The following CFAP70 variants were observed in gnomAD, a reference collection of about 807,000 sequenced individuals.
CFAP70 encodes the protein cilia and flagella associated protein 70, also known as cilia- and flagella-associated protein 70.
Under a neutral mutation model 137.6 loss-of-function variants are expected in CFAP70, and 81 were observed. The observed-to-expected ratio is 0.59, with a 90% CI of 0.49 to 0.71. The LOEUF is 0.71. CFAP70 is among the 30% of genes least tolerant of loss of function. The pLI is 0.00. For synonymous variants in CFAP70, 382 were observed against 423.6 expected, an observed-to-expected ratio of 0.90 and a Z score of 1.20; for missense variants, 976 against 1,226.7, an observed-to-expected ratio of 0.80 and a Z score of 3.05.
intron 19 of CFAP70, among the ~76,000 whole-genome samples, chr10:73,287,143 A>C (rs1198114001): frequency 6.6e-6 from 1 of 152,200 alleles, no homozygotes; most frequent in Non-Finnish European, 1.5e-5. Flanking sequence ...TGTTCCCAAC[A>C]GTAGTCACTG....
intron 1 of CFAP70, among the ~76,000 whole-genome samples, chr10:73,357,186 C>T (rs185931674): frequency 1.1e-4 from 17 of 152,206 alleles, no homozygotes; most frequent in African/African-American, 4.1e-4. Context: ...AAGTGTGCTT[C>T]GCATTTATTA....
rs1246509370 is a variant in CFAP70, at chr10:73,338,573, G to T, written c.582+2826C>A. ...AGCCTCCCGAGTAGCTGAGATTACA[G>T]ATGTGTGCCACTACACCCAGCCAAT... is the stretch of plus-strand genomic sequence containing the variant. On this transcript the variant is annotated intron_variant, in intron 6 of 26. Transcript: ENST00000310715. Among the ~76,000 whole-genome samples the T allele has an allele frequency of 2.0e-5, 3 of 151,276 alleles. No homozygotes were observed. The Admixed American group carries it at 2.0e-4, about 10-fold the overall frequency.
exon 6 of CFAP70, chr10:73,341,412 A>C: frequency 6.2e-7 from 1 of 1,612,150 alleles, no homozygotes; most frequent in Non-Finnish European, 8.5e-7. Flanking sequence ...AGGATGGTTG[A>C]GTTCTCCTTC....
intron 25 of CFAP70, among the ~76,000 whole-genome samples, chr10:73,262,799 T>A (rs1477778251): frequency 1.3e-5 from 2 of 152,134 alleles, no homozygotes; most frequent in African/African-American, 2.4e-5. Flanking sequence ...TGTGTGTGTG[T>A]ATAAAAGTTA....
chr10:73,268,914 T>C (rs185299232), intron 25 of CFAP70, among the ~76,000 whole-genome samples: 34 of 152,218 alleles, frequency 2.2e-4, no homozygotes, highest in African/African-American at 7.5e-4. Context: ...CTTGAACTCC[T>C]GGGCTCAAGT....
intron 9 of CFAP70, 138 bp downstream of exon 10, chr10:73,322,825 G>A (rs1217232659): frequency 4.2e-6 from 3 of 708,272 alleles, no homozygotes; most frequent in East Asian, 3.0e-5. Flanking sequence ...CAGAATGACT[G>A]TAAGGCTATA....
intron 19 of CFAP70, among the ~76,000 whole-genome samples, chr10:73,279,650 G>C (rs1403474554): frequency 6.6e-6 from 1 of 152,100 alleles, no homozygotes; most frequent in Non-Finnish European, 1.5e-5. Context: ...CTTAAGCTCA[G>C]GAGTTCAAGA....
intron 25 of CFAP70, among the ~76,000 whole-genome samples, chr10:73,259,560 C>T (rs2133556632): frequency 6.6e-6 from 1 of 152,196 alleles, no homozygotes; most frequent in East Asian, 1.9e-4. Flanking sequence ...ACCTTCCAGG[C>T]TCCAGTGATT....
intron 6 of CFAP70, among the ~76,000 whole-genome samples, chr10:73,340,530 C>A (rs2053151323): frequency 6.6e-6 from 1 of 152,228 alleles, no homozygotes; most frequent in Non-Finnish European, 1.5e-5. Flanking sequence ...TCATTGGGCA[C>A]CTGCCCCTTT....
At chr10:73,328,697 C>A (rs1163155461) in intron 8 of CFAP70, among the ~76,000 whole-genome samples, 3 of 145,456 alleles carry the variant, frequency 2.1e-5, no homozygotes, top group Non-Finnish European at 4.5e-5. Context: ...ACAGACACTT[C>A]TCAAAAGAAG....
intron 26 of CFAP70, among the ~76,000 whole-genome samples, chr10:73,255,323 A>G (rs528351509): frequency 1.3e-5 from 2 of 152,008 alleles, no homozygotes; most frequent in Non-Finnish European, 2.9e-5. Context: ...TGAACCCGGG[A>G]GGCGGAGCTT....
chr10:73,303,050 C>T (rs2049085363), intron 12 of CFAP70, among the ~76,000 whole-genome samples: 1 of 151,630 alleles, frequency 6.6e-6, no homozygotes, highest in African/African-American at 2.4e-5. Flanking sequence ...GTATGCACTA[C>T]CACACCCAAC....
rs139643564 is a variant in CFAP70 at position 73,356,769 on chromosome 10, T to C, written c.-39-1934A>G. Among the ~76,000 whole-genome samples the C allele has an allele frequency of 3.9e-5, 6 of 152,328 alleles. No homozygotes were observed. The East Asian group carries it at 1.2e-3, about 29-fold the overall frequency. ...TTGAAATGCCCTTTTGTATCAGTCTTCTTTCCTTTTCAATAATATGGCATT... is the reference window on the plus strand; with the variant it reads ...TTGAAATGCCCTTTTGTATCAGTCTCCTTTCCTTTTCAATAATATGGCATT... On this transcript the variant is annotated intron_variant, in intron 1 of 26. Coordinates refer to ENST00000310715, the Ensembl canonical transcript of CFAP70.
intron 19 of CFAP70, chr10:73,279,062 G>T (rs1360340798): frequency 6.6e-6 from 1 of 151,428 alleles, no homozygotes; most frequent in Non-Finnish European, 1.5e-5. Flanking sequence ...TGTCAGTTTC[G>T]TCCTCACTTT....
chr10:73,344,850 T>A (rs1354079647), intron 5 of CFAP70, among the ~76,000 whole-genome samples: 1 of 151,944 alleles, frequency 6.6e-6, no homozygotes, highest in East Asian at 1.9e-4. Flanking sequence ...CATATATTTA[T>A]ATAAATTATA....
intron 23 of CFAP70, among the ~76,000 whole-genome samples, chr10:73,273,525 C>T (rs2133755782): frequency 6.6e-6 from 1 of 152,332 alleles, no homozygotes; most frequent in African/African-American, 2.4e-5. Context: ...ATTTCTTGTC[C>T]TGTATCTCCA....
chr10:73,277,313 T>C, exon 21 of CFAP70: 1 of 1,614,146 alleles, frequency 6.2e-7, no homozygotes, highest in Non-Finnish European at 8.5e-7. Context: ...AACACCATAA[T>C]GAAGGCCGGG....
At chr10:73,350,981 GTGTATATATA>G (rs2054153611) in intron 3 of CFAP70, among the ~76,000 whole-genome samples, 1 of 147,954 alleles carries the variant, frequency 6.8e-6, no homozygotes, top group African/African-American at 2.5e-5. Flanking sequence ...GTATGTGTGT[GTGTATATATA>G]TGTGTGTATA....
chr10:73,253,769 T>G, downstream of CFAP70: 1 of 467,304 alleles, frequency 2.1e-6, no homozygotes, highest in Non-Finnish European at 3.9e-6. Flanking sequence ...GAATTTTGAG[T>G]TTCATATCTC....
Sources: allele counts gnomAD v4.1 joint callset (sites outside exome capture counted in the v4.1 genomes callset), GRCh38; gene constraint gnomAD v4.1.1; transcripts MANE v1.5; gene names NCBI Gene and HGNC (gene_info 2026-07-23, HGNC 2026-07-21).